Variants in ACSS2 observed in about 807,000 individuals in gnomAD.
ACSS2 encodes the protein acyl-CoA synthetase short chain family member 2.
In ACSS2, 58 loss-of-function variants were observed where a neutral mutation model predicts 90.6. That is an observed-to-expected ratio of 0.64 (90% CI 0.52 to 0.80). The LOEUF is 0.80. Ranked by LOEUF, ACSS2 falls within the 30% of genes least tolerant of loss-of-function variation. The pLI is 0.00. For synonymous variants in ACSS2, 300 were observed against 330.9 expected, an observed-to-expected ratio of 0.91 and a Z score of 1.01; for missense variants, 759 against 912.0, an observed-to-expected ratio of 0.83 and a Z score of 2.16.
chr20:34,913,587 C>A, intron 4 of ACSS2, 91 bp downstream of exon 4: 1 of 1,329,562 alleles, frequency 7.5e-7, no homozygotes. Context: ...TCTTAAATAA[C>A]AAACTAAGGA....
intron 2 of ACSS2, among the ~76,000 whole-genome samples, chr20:34,904,069 T>C (rs1167268312): frequency 6.6e-6 from 1 of 151,526 alleles, no homozygotes; most frequent in Non-Finnish European, 1.5e-5. Context: ...CCCAAATAAA[T>C]ATAATAAAAG....
intron 15 of ACSS2, 40 bp from the exon 16 acceptor site, chr20:34,926,065 C>T (rs371338494): frequency 1.9e-6 from 3 of 1,608,842 alleles, no homozygotes; most frequent in African/African-American, 2.7e-5. Context: ...TGGGGCAGAG[C>T]CTGGGATCTC....
upstream of ACSS2, chr20:34,876,542 G>GC (rs906604124): frequency 4.9e-5 from 62 of 1,264,232 alleles, no homozygotes; most frequent in East Asian, 3.2e-5. Context: ...CACTCACCAG[G>GC]CCCCGCCCCT....
chr20:34,903,369 A>T (rs1381940771), intron 2 of ACSS2, among the ~76,000 whole-genome samples: 3 of 150,650 alleles, frequency 2.0e-5, no homozygotes, highest in African/African-American at 7.3e-5. Flanking sequence ...ATCACAGATC[A>T]TGCTGGGTGA....
chr20:34,910,451 A>T (rs1601346856), intron 2 of ACSS2, among the ~76,000 whole-genome samples: 1 of 152,170 alleles, frequency 6.6e-6, no homozygotes, highest in African/African-American at 2.4e-5. Context: ...TTTGGAGACC[A>T]CCCTGGACAA....
Position 34,921,418 on chromosome 20 carries a change from G to T in ACSS2, c.1366G>T (p.Ala456Ser), listed in dbSNP as rs144061380. The T allele has an allele frequency of 4.5e-5, 73 of 1,614,090 alleles. No homozygotes were observed. Among genetic ancestry groups the T allele is most frequent in the Non-Finnish European group, 5.8e-5 (68 of 1,180,046 alleles). The change falls in exon 11 of 18, where the codon GCC becomes TCC. Residue 456 changes from alanine (A) to serine (S), a missense_variant. Transcript: ENST00000360596. The stretch of plus-strand genomic sequence containing the variant: ...GCTATGGTACCACCGGGTGGTAGGT[G>T]CCCAGCGCTGCCCCATCGTGGACAC... ...AWLWYHRVVG[A>S]QRCPIVDTFW...
rs781621444 is a variant in ACSS2 at position 34,882,817 on chromosome 20, G to C, written c.202G>C (p.Glu68Gln). The part of the protein sequence containing the change: ...PREFWGDIAK[E>Q]FYWKTPCPGP... Reference sequence around the variant, plus strand: ...AGAATTCTGGGGAGACATTGCCAAGGAATTTTACTGGAAGACTCCATGCCC... The same window carrying C: ...AGAATTCTGGGGAGACATTGCCAAGCAATTTTACTGGAAGACTCCATGCCC... The change falls in exon 2 of 18, where the codon GAA becomes CAA. Residue 68 changes from glutamate to glutamine, a missense_variant. Physicochemically the swap from Glu to Gln is conservative, Grantham distance 29. Coordinates refer to ENST00000360596, the MANE Select transcript of ACSS2 (RefSeq NM_018677.4). The C allele has an allele frequency of 6.2e-7, 1 of 1,612,328 alleles. No homozygotes were observed. The highest frequency in any genetic ancestry group is 1.1e-5 in the South Asian group (1 of 90,356).
At chr20:34,893,096 T>G (rs1327706736) in intron 2 of ACSS2, among the ~76,000 whole-genome samples, 1 of 152,204 alleles carries the variant, frequency 6.6e-6, no homozygotes, top group East Asian at 1.9e-4. Flanking sequence ...TTAGCCTCAT[T>G]GACAGCCACA....
At chr20:34,891,809 G>GTTCT (rs2080343059) in intron 2 of ACSS2, among the ~76,000 whole-genome samples, 1 of 152,120 alleles carries the variant, frequency 6.6e-6, no homozygotes, top group East Asian at 1.9e-4. Flanking sequence ...TCCCTAAAGT[G>GTTCT]GTGAAAATGA....
chr20:34,904,435 G>A (rs2080748219), intron 2 of ACSS2, among the ~76,000 whole-genome samples: 1 of 152,084 alleles, frequency 6.6e-6, no homozygotes, highest in African/African-American at 2.4e-5. Context: ...CAGAGGGAAA[G>A]GGAGAGGAAG....
chr20:34,901,439 T>A (rs1471135663), intron 2 of ACSS2, among the ~76,000 whole-genome samples: 2 of 152,126 alleles, frequency 1.3e-5, no homozygotes, highest in African/African-American at 4.8e-5. Flanking sequence ...TTTTGGGGTG[T>A]GCCTCCATCT....
chr20:34,921,603 G>A lies in ACSS2; in HGVS notation c.1467+3G>A, dbSNP rs770581244. ...CACCCATGAAACCCGGTTCTGCTGTGAGTGATGCTTCCCTGGCTGGTCTTG... is the reference window on the plus strand; with the variant it reads ...CACCCATGAAACCCGGTTCTGCTGTAAGTGATGCTTCCCTGGCTGGTCTTG... On this transcript the variant is annotated splice_donor_region_variant and intron_variant, in intron 12 of 17. Transcript: ENST00000360596. 1.9e-6 allele frequency: 3 copies of A among 1,614,090 alleles called. No homozygotes were observed. The African/African-American group carries it at 4.0e-5, about 22-fold the overall frequency.
intron 16 of ACSS2, among the ~76,000 whole-genome samples, chr20:34,926,650 G>A (rs923300480): frequency 6.6e-6 from 1 of 152,102 alleles, no homozygotes; most frequent in African/African-American, 2.4e-5. Flanking sequence ...TAGAAAGGTG[G>A]CATTTAAACT....
intron 1 of ACSS2, among the ~76,000 whole-genome samples, chr20:34,880,557 A>G (rs2080046620): frequency 6.6e-6 from 1 of 151,946 alleles, no homozygotes; most frequent in African/African-American, 2.4e-5. Context: ...AAAAAATAAT[A>G]ATAATAGAAA....
Position 34,924,685 on chromosome 20 carries a change from G to T in ACSS2, c.1658-1013G>T, listed in dbSNP as rs1437927738. Reference sequence around the variant, plus strand: ...AAGTACAGTGGGAAACCTTTTTTTTGTTGTTGTTGTTGTTGTTGTTTGTTT... The same window carrying T: ...AAGTACAGTGGGAAACCTTTTTTTTTTTGTTGTTGTTGTTGTTGTTTGTTT... On this transcript the variant is annotated intron_variant, in intron 14 of 17. Coordinates refer to ENST00000360596, the MANE Select transcript of ACSS2 (RefSeq NM_018677.4). 9.0e-3 allele frequency among the ~76,000 whole-genome samples: 190 copies of T among 21,038 alleles called. 1 individual carries two copies. Among genetic ancestry groups the T allele is most frequent in the African/African-American group, 0.049 (57 of 1,174 alleles). 13.8% of individuals were successfully genotyped at this position (21,038 alleles called of 152,430 possible).
At chr20:34,920,498 G>C in intron 8 of ACSS2, 41 bp from the exon 9 acceptor site, 1 of 1,593,002 alleles carries the variant, frequency 6.3e-7, no homozygotes, top group Non-Finnish European at 8.5e-7. Context: ...GTCAGTAGGG[G>C]TGGGCATAAG....
chr20:34,884,927 T>C (rs2080153865), intron 2 of ACSS2, among the ~76,000 whole-genome samples: 1 of 152,050 alleles, frequency 6.6e-6, no homozygotes, highest in East Asian at 1.9e-4. Flanking sequence ...AGGCTGGGCA[T>C]GGTGCCTCAT....
At chr20:34,916,469 G>GCTGTTTTTTCCTTCCCCTTA (rs2081080170) in intron 7 of ACSS2, among the ~76,000 whole-genome samples, 1 of 152,160 alleles carries the variant, frequency 6.6e-6, no homozygotes, top group Non-Finnish European at 1.5e-5. Flanking sequence ...GCAACAGACA[G>GCTGTTTTTTCCTTCCCCTTA]ATTGGCATTT....
chr20:34,899,403 C>CCTCT (rs2080572543), intron 2 of ACSS2, among the ~76,000 whole-genome samples: 1 of 64,416 alleles, frequency 1.6e-5, no homozygotes, highest in South Asian at 7.7e-4. Context: ...TCTTTCTTTC[C>CCTCT]TTCTTTCTTT....
Sources: allele counts gnomAD v4.1 joint callset (sites outside exome capture counted in the v4.1 genomes callset), GRCh38; gene constraint gnomAD v4.1.1; transcripts MANE v1.5; gene names NCBI Gene and HGNC (gene_info 2026-07-23, HGNC 2026-07-21).